MALRD1: variants seen among roughly 807,000 people sequenced by gnomAD.
MALRD1 encodes MAM and LDL-receptor class A domain-containing protein 1.
Under a neutral mutation model 242.1 loss-of-function variants are expected in MALRD1, and 247 were observed. The ratio of observed to expected loss-of-function variants is 1.02; its 90% CI spans 0.92 to 1.13. MALRD1 has a LOEUF of 1.13. Among genes scored for constraint, MALRD1 ranks in the 50% most tolerant of loss-of-function variants. The pLI, the probability that MALRD1 is intolerant of heterozygous loss-of-function variation, is 0.00. For synonymous variants in MALRD1, 995 were observed against 866.6 expected (o/e 1.15, Z -2.60); for missense variants, 2,989 against 2,533.1 (o/e 1.18, Z -3.86).
At chr10:19,050,040 C>T (rs150877130) in intron 1 of MALRD1, among the ~76,000 whole-genome samples, 13 of 150,590 alleles carry the variant, frequency 8.6e-5, no homozygotes, top group East Asian at 1.9e-4. Context: ...TCCAGAGGCA[C>T]GAATTCTATT....
At chr10:19,513,596 A>C (rs1357339119) in intron 31 of MALRD1, among the ~76,000 whole-genome samples, 1 of 151,896 alleles carries the variant, frequency 6.6e-6, no homozygotes, top group African/African-American at 2.4e-5. Flanking sequence ...AAAATTAGCC[A>C]GGCGTGGTAG....
intron 31 of MALRD1, among the ~76,000 whole-genome samples, chr10:19,520,615 A>T (rs1053474714): frequency 6.6e-6 from 1 of 152,198 alleles, no homozygotes; most frequent in Non-Finnish European, 1.5e-5. Flanking sequence ...AATGATAGCC[A>T]TTGTTTGCTT....
intron 38 of MALRD1, among the ~76,000 whole-genome samples, chr10:19,727,515 C>T (rs373497331): frequency 7.9e-5 from 12 of 152,008 alleles, no homozygotes; most frequent in Admixed American, 2.6e-4. Context: ...AGTATCTGCA[C>T]GTAATGGATA....
At chr10:19,697,586 C>T (rs1180621051) in intron 38 of MALRD1, among the ~76,000 whole-genome samples, 1 of 152,096 alleles carries the variant, frequency 6.6e-6, no homozygotes, top group African/African-American at 2.4e-5. Context: ...TTTCACACCC[C>T]CAGCAAGAGC....
At chr10:19,520,456 G>T (rs1833828465) in intron 31 of MALRD1, among the ~76,000 whole-genome samples, 1 of 151,786 alleles carries the variant, frequency 6.6e-6, no homozygotes, top group Non-Finnish European at 1.5e-5. Context: ...CTTTCTCCTT[G>T]TCTCATTTAA....
chr10:19,571,866 A>C (rs1257351288), intron 33 of MALRD1, among the ~76,000 whole-genome samples: 1 of 152,156 alleles, frequency 6.6e-6, no homozygotes, highest in Non-Finnish European at 1.5e-5. Context: ...TCTTATAACA[A>C]AACATCCAGA....
chr10:19,690,906 A>C (rs1358151691), intron 36 of MALRD1, among the ~76,000 whole-genome samples: 6 of 152,072 alleles, frequency 3.9e-5, no homozygotes, highest in Non-Finnish European at 5.9e-5. Flanking sequence ...AATCCAAGAC[A>C]GTTTTCCACT....
At chr10:19,326,797 A>G (rs892696411) in intron 22 of MALRD1, among the ~76,000 whole-genome samples, 1 of 150,282 alleles carries the variant, frequency 6.7e-6, no homozygotes, top group African/African-American at 2.4e-5. Context: ...TTTTATCTGA[A>G]TAATTGTTTG....
intron 28 of MALRD1, among the ~76,000 whole-genome samples, chr10:19,441,099 G>A (rs928378640): frequency 6.6e-6 from 1 of 152,166 alleles, no homozygotes; most frequent in South Asian, 2.1e-4. Flanking sequence ...GGCCAGTGAT[G>A]ATGAGCATTT....
chr10:19,132,797 G>T (rs922409088), intron 8 of MALRD1, among the ~76,000 whole-genome samples: 4 of 151,866 alleles, frequency 2.6e-5, no homozygotes, highest in African/African-American at 9.7e-5. Context: ...TTCTATTTTT[G>T]GGAAGAAATG....
At chr10:19,100,505 G>A (rs1836212067) in intron 4 of MALRD1, among the ~76,000 whole-genome samples, 1 of 152,156 alleles carries the variant, frequency 6.6e-6, no homozygotes, top group Non-Finnish European at 1.5e-5. Flanking sequence ...GATTAATGGA[G>A]CTTATCTCAT....
At chr10:19,341,470 A>C (rs9733025) in intron 24 of MALRD1, among the ~76,000 whole-genome samples, 1 of 83,402 alleles carries the variant, frequency 1.2e-5, no homozygotes, top group African/African-American at 4.1e-5. Context: ...ATATGTATAT[A>C]TGTATATATA....
At chr10:19,550,580 G>A (rs1214049937) in intron 32 of MALRD1, among the ~76,000 whole-genome samples, 1 of 152,074 alleles carries the variant, frequency 6.6e-6, no homozygotes, top group African/African-American at 2.4e-5. Flanking sequence ...CCACTTAAGT[G>A]TGAGAACATG....
rs1446198688 is a variant in MALRD1 at position 19,634,076 on chromosome 10, A to G, written c.6137+18153A>G. On this transcript the variant is annotated intron_variant, in intron 36 of 39. Coordinates refer to ENST00000454679, the MANE Select transcript of MALRD1 (RefSeq NM_001142308.3). ...GGCTGGTCTTGAACTCCTGACCTCA[A>G]GTGATCCTCCCACTTCGGCCTTCCA... Among the ~76,000 whole-genome samples, 3 of 151,840 alleles carry G rather than the reference A, an allele frequency of 2.0e-5. No individual in the cohort carries two copies. The East Asian group carries it at 5.8e-4, about 30-fold the overall frequency.
chr10:19,529,322 T>C (rs1236495103), intron 31 of MALRD1, among the ~76,000 whole-genome samples: 1 of 152,146 alleles, frequency 6.6e-6, no homozygotes, highest in Non-Finnish European at 1.5e-5. Context: ...GTACTACCCA[T>C]GAAATGGGTT....
At chr10:19,145,379 C>T (rs949825146) in intron 10 of MALRD1, among the ~76,000 whole-genome samples, 1 of 152,122 alleles carries the variant, frequency 6.6e-6, no homozygotes, top group Admixed American at 6.5e-5. Context: ...CACAGTGGCT[C>T]ATGCCTGTAA....
chr10:19,148,789 ATAT>A (rs1421614591), intron 11 of MALRD1, among the ~76,000 whole-genome samples: 31 of 41,808 alleles, frequency 7.4e-4, no homozygotes, highest in East Asian at 3.2e-3. Flanking sequence ...AAAAAAAAAA[ATAT>A]ATATATATAT....
chr10:19,684,554 G>C (rs1400554096), intron 36 of MALRD1, among the ~76,000 whole-genome samples: 1 of 152,118 alleles, frequency 6.6e-6, no homozygotes, highest in Non-Finnish European at 1.5e-5. Context: ...CCAGGATTTT[G>C]AGACCAGCCT....
In MALRD1 at chr10:19,241,809, G is replaced by A. The variant is rs189681919; in HGVS notation, c.2992-15875G>A. On this transcript the variant is annotated intron_variant, in intron 18 of 39. Transcript: ENST00000454679. ...AATTTTCCTGTTAATATCTTAATGA[G>A]ACCCATTGATTTCTTGGGTGCATGC... Among the ~76,000 whole-genome samples, 150 of 152,044 alleles carry A rather than the reference G, an allele frequency of 9.9e-4. 1 individual carries two copies. The highest frequency in any genetic ancestry group is 3.4e-3 in the Middle Eastern group (1 of 294).
Sources: allele counts gnomAD v4.1 joint callset (sites outside exome capture counted in the v4.1 genomes callset), GRCh38; gene constraint gnomAD v4.1.1; transcripts MANE v1.5; gene names NCBI Gene and HGNC (gene_info 2026-07-23, HGNC 2026-07-21).